The following ARL16 variants were observed in gnomAD, a reference collection of about 807,000 sequenced individuals.
ARL16 encodes ADP-ribosylation factor-like protein 16.
A neutral mutation model predicts 14.1 loss-of-function variants in ARL16; 21 were observed. That is an observed-to-expected ratio of 1.48 (90% CI 1.05 to 2.14). The LOEUF (loss-of-function observed/expected upper bound fraction) is 2.14, where lower values mean the gene tolerates loss of function less well. Among genes scored for constraint, ARL16 ranks in the 30% most tolerant of loss-of-function variants. The probability of loss-of-function intolerance (pLI) is 0.00; values close to 1 mark genes in which losing one functional copy is unlikely to be tolerated. For synonymous variants in ARL16, 122 were observed against 91.8 expected, an observed-to-expected ratio of 1.33 and a Z score of -1.88; for missense variants, 248 against 222.0, an observed-to-expected ratio of 1.12 and a Z score of -0.74.
rs762722358 is a variant in ARL16 at position 81,681,713 on chromosome 17, C to T, written c.517G>A (p.Asp173Asn). The T allele has an allele frequency of 8.1e-6, 13 of 1,602,616 alleles. No individual in the cohort carries two copies. In the African/African-American group the frequency reaches 1.5e-4, roughly 18 times the overall value. ...GCTGCGCCTCTGCCGTGCAGTCAAT[C>T]GTTGGCTCTGTGGGTGGCCTGGAGC... ...AWLQATHRAND is the reference protein window; with the variant it reads ...AWLQATHRANN The change falls in exon 5 of 5, where the codon GAT becomes AAT. Residue 173 changes from aspartate (D) to asparagine (N), a missense_variant. Physicochemically the swap from Asp to Asn is conservative, Grantham distance 23 (BLOSUM62 1). Transcript: ENST00000622299.
chr17:81,681,568 T>C lies in ARL16; in HGVS notation c.*140A>G, dbSNP rs371811716. 8 of 1,028,802 alleles carry C rather than the reference T, an allele frequency of 7.8e-6. No individual in the cohort carries two copies. Among genetic ancestry groups the C allele is most frequent in the South Asian group, 3.4e-5 (2 of 58,300 alleles). 63.7% of individuals were successfully genotyped at this position (1,028,802 alleles called of 1,614,324 possible). On this transcript the variant is annotated 3_prime_UTR_variant, in exon 5 of 5. Transcript: ENST00000622299. ...TCCACATGCCTCAGTTTACACATCA[T>C]TGCATCTCAGCACAGAGCCCCATCA...
Position 81,681,548 on chromosome 17 carries a change from A to G in ARL16, c.*160T>C. ...GCCAGATGTCAACTTCCATCTCCAC[A>G]TGCCTCAGTTTACACATCATTGCAT... On this transcript the variant is annotated 3_prime_UTR_variant, in exon 5 of 5. Coordinates refer to ENST00000622299, the MANE Select transcript of ARL16 (RefSeq NM_001040025.3). 8.9e-6 allele frequency: 8 copies of G among 896,604 alleles called. No individual in the cohort carries two copies. Among genetic ancestry groups the G allele is most frequent in the Non-Finnish European group, 1.3e-5 (8 of 618,634 alleles). The allele number at this position is 896,604 out of a possible 1,614,324, so 55.5% of individuals were successfully genotyped here.
intron 2 of ARL16, 130 bp from the exon 3 acceptor site, chr17:81,683,256 C>T (rs1265852309): frequency 5.2e-6 from 5 of 953,816 alleles, no homozygotes; most frequent in Non-Finnish European, 7.8e-6. Flanking sequence ...AACGCAGGAA[C>T]GGCGAGCAGG....
chr17:81,682,230 A>G (rs1191273898), intron 3 of ARL16, 81 bp from the exon 4 acceptor site: 8 of 966,696 alleles, frequency 8.3e-6, no homozygotes, highest in Non-Finnish European at 1.1e-5. Context: ...GCACTGGGAG[A>G]GCAAAACTGC....
At position 81,683,169 on chromosome 17, in the gene ARL16, G is replaced by A. The variant is rs2036890029; in HGVS notation, c.121-43C>T. The stretch of plus-strand genomic sequence containing the variant: ...ATGCAAAAAGAACAATACAACCGCT[G>A]TCCCGTTGTGAACTCCTGAAGAGCA... On this transcript the variant is annotated intron_variant, in intron 2 of 4. Coordinates refer to ENST00000622299, the MANE Select transcript of ARL16 (RefSeq NM_001040025.3). 2.6e-6 allele frequency: 4 copies of A among 1,547,960 alleles called. No homozygotes were observed. The African/African-American group carries it at 4.1e-5, about 16-fold the overall frequency.
chr17:81,683,072 G>C lies in ARL16; in HGVS notation c.175C>G (p.Leu59Val), dbSNP rs1327654686. 1.9e-6 allele frequency: 3 copies of C among 1,613,250 alleles called. No homozygotes were observed. The highest frequency in any genetic ancestry group is 2.2e-5 in the East Asian group (1 of 44,892). The part of the protein sequence containing the change: ...VAQRKITIRE[L>V]GGCMGPIWSS... ...CAGATGGGGCCCATGCACCCCCCAAGCTCCCGGATGGTGATCTTTCTCTGT... is the reference window on the plus strand; with the variant it reads ...CAGATGGGGCCCATGCACCCCCCAACCTCCCGGATGGTGATCTTTCTCTGT... Residue 59 changes from leucine (L) to valine (V), a missense_variant, in exon 3 of 5, where the codon CTT becomes GTT. Leu to Val is a conservative substitution (Grantham distance 32, BLOSUM62 1). Transcript: ENST00000622299.
intron 2 of ARL16, 61 bp downstream of exon 2, chr17:81,683,475 A>C: frequency 6.8e-7 from 1 of 1,469,480 alleles, no homozygotes. Flanking sequence ...AGGAGCCCGG[A>C]GCTCTTCGCC....
chr17:81,681,920 C>A, intron 4 of ARL16, 41 bp from the exon 5 acceptor site: 2 of 1,587,200 alleles, frequency 1.3e-6, no homozygotes, highest in Non-Finnish European at 1.7e-6. Flanking sequence ...GTGGCAGCCA[C>A]ACACCTGCCC....
rs1159686026 is a variant in ARL16 at position 81,682,099 on chromosome 17, C to T, written c.285G>A (p.Gln95=). Residue 95 remains glutamine (Q), a synonymous_variant, in exon 4 of 5, where the codon CAG becomes CAA. Coordinates refer to ENST00000622299, the MANE Select transcript of ARL16 (RefSeq NM_001040025.3). ...DPTQLSASCV[Q]LLGLLSAEQL... ...GTTCTGCAGAAAGGAGACCTAAGAG[C>T]TGCACACAGGATGCAGAGAGCTGGG... 6.2e-7 allele frequency: 1 copy of T among 1,613,042 alleles called. No homozygotes were observed. Among genetic ancestry groups the T allele is most frequent in the Non-Finnish European group, 8.5e-7 (1 of 1,179,674 alleles).
Position 81,683,786 on chromosome 17 carries a change from C to G in ARL16, c.-33G>C. 6.2e-7 allele frequency: 1 copy of G among 1,605,648 alleles called. No individual in the cohort carries two copies. The highest frequency in any genetic ancestry group is 8.5e-7 in the Non-Finnish European group (1 of 1,179,494). ...TTCGCTCCACCCGGCACCCGTAGCT[C>G]GGCGCCGCGGCTCAAGGCCCGCCCA... is the stretch of plus-strand genomic sequence containing the variant. On this transcript the variant is annotated 5_prime_UTR_variant, in exon 1 of 5. Coordinates refer to ENST00000622299, the MANE Select transcript of ARL16 (RefSeq NM_001040025.3).
Position 81,682,133 on chromosome 17 carries a change from G to T in ARL16, c.251C>A (p.Ser84Tyr), listed in dbSNP as rs1269337808. Residue 84 changes from serine (S) to tyrosine (Y), a missense_variant, in exon 4 of 5, where the codon TCT becomes TAT. Physicochemically the swap from Ser to Tyr is moderately radical, Grantham distance 144 (BLOSUM62 -2). Coordinates refer to ENST00000622299, the MANE Select transcript of ARL16 (RefSeq NM_001040025.3). ...CRSLLFVMDA[S>Y]DPTQLSASCV... ...GGATGCAGAGAGCTGGGTGGGGTCA[G>T]AGGCGTCCATCACAAACTGGGGAAA... 21 of 1,608,118 alleles carry T rather than the reference G, an allele frequency of 1.3e-5. No individual in the cohort carries two copies. Among genetic ancestry groups the T allele is most frequent in the Non-Finnish European group, 1.7e-5 (20 of 1,177,934 alleles).
Position 81,683,711 on chromosome 17 carries a change from G to C in ARL16, c.43C>G (p.Leu15Val). 6.2e-7 allele frequency: 1 copy of C among 1,606,704 alleles called. No homozygotes were observed. ...LGATGVGKTL[L>V]VKRLQEVSSR... ...AGGATATCCTGCAGCCGTTTCACCAGCAGCGTCTTCCCGACGCCCGTGGCC... is the reference window on the plus strand; with the variant it reads ...AGGATATCCTGCAGCCGTTTCACCACCAGCGTCTTCCCGACGCCCGTGGCC... The change falls in exon 1 of 5, where the codon CTG becomes GTG. Residue 15 changes from leucine (L) to valine (V), a missense_variant. Coordinates refer to ENST00000622299, the MANE Select transcript of ARL16 (RefSeq NM_001040025.3).
intron 2 of ARL16, 37 bp from the exon 3 acceptor site, chr17:81,683,163 A>C: frequency 6.4e-7 from 1 of 1,559,858 alleles, no homozygotes; most frequent in Non-Finnish European, 8.7e-7. Context: ...GAACAATACA[A>C]CCGCTGTCCC....
intron 2 of ARL16, 81 bp from the exon 3 acceptor site, chr17:81,683,207 CT>C: frequency 1.5e-6 from 2 of 1,306,728 alleles, no homozygotes; most frequent in Non-Finnish European, 1.1e-6. Context: ...GTGCCCACAC[CT>C]TACACGGTGG....
chr17:81,682,569 A>G (rs2036869782), intron 3 of ARL16: 2 of 188,314 alleles, frequency 1.1e-5, no homozygotes, highest in South Asian at 2.0e-4. Flanking sequence ...AAGCTTTGGG[A>G]ACAAGCAGAA....
At chr17:81,683,159 T>C (rs2036889660) in intron 2 of ARL16, 33 bp from the exon 3 acceptor site, 5 of 1,574,230 alleles carry the variant, frequency 3.2e-6, no homozygotes, top group Non-Finnish European at 4.3e-6. Flanking sequence ...AAAAGAACAA[T>C]ACAACCGCTG....
intron 2 of ARL16, 25 bp downstream of exon 2, chr17:81,683,511 T>C: frequency 6.5e-7 from 1 of 1,544,312 alleles, no homozygotes; most frequent in Non-Finnish European, 8.7e-7. Context: ...CCCCCGCAAC[T>C]CCACCCGCGG....
Position 81,683,796 on chromosome 17 carries a change from G to T in ARL16, c.-43C>A, listed in dbSNP as rs1479602053. On this transcript the variant is annotated 5_prime_UTR_variant, in exon 1 of 5. Coordinates refer to ENST00000622299, the MANE Select transcript of ARL16 (RefSeq NM_001040025.3). The stretch of plus-strand genomic sequence containing the variant: ...CCGGCACCCGTAGCTCGGCGCCGCG[G>T]CTCAAGGCCCGCCCACCGGCCACTC... The T allele has an allele frequency of 6.2e-7, 1 of 1,605,024 alleles. No individual in the cohort carries two copies. Among genetic ancestry groups the T allele is most frequent in the South Asian group, 1.1e-5 (1 of 91,036 alleles).
At chr17:81,682,321 C>T (rs2144465799) in intron 3 of ARL16, 172 bp from the exon 4 acceptor site, 1 of 504,690 alleles carries the variant, frequency 2.0e-6, no homozygotes, top group Non-Finnish European at 3.5e-6. Context: ...ACTGAAACTC[C>T]GCCTCCAGGG....
Sources: gnomAD v4.1 joint callset for allele counts on GRCh38, gnomAD v4.1.1 for gene constraint, MANE v1.5 for transcripts, NCBI Gene and HGNC (gene_info 2026-07-23, HGNC 2026-07-21) for gene names.